TBC1D5: variants seen among roughly 807,000 people sequenced by gnomAD.
TBC1D5 encodes the protein TBC1 domain family member 5, also known as TBC1 domain family, member 5.
TBC1D5 carries 75 observed loss-of-function variants against 100.3 expected under a neutral mutation model. The observed-to-expected ratio is 0.75, with a 90% CI of 0.62 to 0.91. TBC1D5 has a LOEUF of 0.91. Among genes scored for constraint, TBC1D5 ranks in the 40% least tolerant of loss-of-function variants. The probability of loss-of-function intolerance (pLI) is 0.00; values close to 1 mark genes in which losing one functional copy is unlikely to be tolerated. For missense variants in TBC1D5, 910 were observed against 942.4 expected, an observed-to-expected ratio of 0.97 and a Z score of 0.45; for synonymous variants, 323 against 325.6, an observed-to-expected ratio of 0.99 and a Z score of 0.09.
intron 2 of TBC1D5, among the ~76,000 whole-genome samples, chr3:17,621,591 T>C (rs1388350614): frequency 1.3e-5 from 2 of 152,236 alleles, no homozygotes; most frequent in African/African-American, 2.4e-5. Context: ...TTCCCAATCT[T>C]ACCTTTTGAA....
exon 20 of TBC1D5, chr3:17,167,804 T>C: frequency 1.2e-6 from 2 of 1,610,762 alleles, no homozygotes; most frequent in Non-Finnish European, 1.7e-6. Flanking sequence ...CAAATTTTCT[T>C]GTAATATCAC....
At chr3:17,339,654 T>G (rs977908151) in intron 13 of TBC1D5, among the ~76,000 whole-genome samples, 2 of 152,210 alleles carry the variant, frequency 1.3e-5, no homozygotes, top group African/African-American at 4.8e-5. Flanking sequence ...AATACAGCAT[T>G]AGAAAGGATA....
At chr3:17,299,296 T>C (rs564973720) in intron 14 of TBC1D5, among the ~76,000 whole-genome samples, 73 of 152,300 alleles carry the variant, frequency 4.8e-4, no homozygotes, top group Non-Finnish European at 9.1e-4. Flanking sequence ...TTCATCATGC[T>C]ACTCAGAATG....
At chr3:17,180,322 A>G (rs553499927) in intron 19 of TBC1D5, among the ~76,000 whole-genome samples, 1 of 152,314 alleles carries the variant, frequency 6.6e-6, no homozygotes, top group South Asian at 2.1e-4. Flanking sequence ...TTAACCTGTC[A>G]ATTTTATTAT....
At chr3:17,226,308 A>G (rs1291092642) in intron 17 of TBC1D5, among the ~76,000 whole-genome samples, 2 of 120,274 alleles carry the variant, frequency 1.7e-5, no homozygotes, top group African/African-American at 6.2e-5. Flanking sequence ...TTCTCTACAT[A>G]CCTTTTTTTT....
At chr3:17,282,816 TTA>T (rs932281454) in intron 15 of TBC1D5, among the ~76,000 whole-genome samples, 1 of 152,224 alleles carries the variant, frequency 6.6e-6, no homozygotes, top group Non-Finnish European at 1.5e-5. Context: ...AAGAAAATAT[TTA>T]TGTTGAATAA....
intron 2 of TBC1D5, among the ~76,000 whole-genome samples, chr3:17,599,691 T>G (rs2060804506): frequency 6.6e-6 from 1 of 152,150 alleles, no homozygotes; most frequent in African/African-American, 2.4e-5. Flanking sequence ...CCCCTAGACC[T>G]GTCATGGGTC....
chr3:17,544,650 G>GAAAAAAAAAAAAAAAAAAA (rs11294217), intron 2 of TBC1D5, among the ~76,000 whole-genome samples: 1 of 86,278 alleles, frequency 1.2e-5, no homozygotes, highest in African/African-American at 4.3e-5. Flanking sequence ...GACTCCGTCT[G>GAAAAAAAAAAAAAAAAAAA]AAAAAAAAAA....
In TBC1D5 at chr3:17,503,746, T is replaced by C. The variant is rs74843977; in HGVS notation, c.97+4728A>G. ...AACATGTGTATTAAATGTAAGCATA[T>C]TACATATAGTCTATGCTCCCAAATT... On this transcript the variant is annotated intron_variant, in intron 3 of 21. Transcript: ENST00000253692. 8.9e-3 allele frequency among the ~76,000 whole-genome samples: 1,327 copies of C among 149,886 alleles called. 135 individuals are homozygous for C. The highest frequency in any genetic ancestry group is 0.028 in the African/African-American group (1,111 of 39,598).
chr3:17,453,093 A>G (rs530271186), intron 3 of TBC1D5, among the ~76,000 whole-genome samples: 105 of 151,538 alleles, frequency 6.9e-4, no homozygotes, highest in Non-Finnish European at 1.1e-3. Flanking sequence ...AAAAAAAAAA[A>G]AAAGAAAAGT....
intron 2 of TBC1D5, among the ~76,000 whole-genome samples, chr3:17,549,609 T>C (rs1188811836): frequency 6.6e-6 from 1 of 152,154 alleles, no homozygotes; most frequent in African/African-American, 2.4e-5. Context: ...AAGTTGTAAC[T>C]TCAGTCACCC....
In TBC1D5 at chr3:17,428,910, C is replaced by T. The variant is rs867948681; in HGVS notation, c.98-391G>A. Among the ~76,000 whole-genome samples the T allele has an allele frequency of 7.2e-5, 11 of 151,842 alleles. No individual in the cohort carries two copies. The East Asian group carries it at 1.5e-3, about 21-fold the overall frequency. On this transcript the variant is annotated intron_variant, in intron 3 of 21. Coordinates refer to ENST00000253692, the Ensembl canonical transcript of TBC1D5. ...TGTCAAAAGAGAACAGGCAGAGAGC[C>T]GACCTGGATGATTTTCCAGGTCCTA...
intron 8 of TBC1D5, among the ~76,000 whole-genome samples, chr3:17,390,421 G>C (rs563746661): frequency 3.9e-5 from 6 of 152,136 alleles, no homozygotes; most frequent in African/African-American, 1.4e-4. Flanking sequence ...AATGATAAAG[G>C]GTTTTGTCAC....
intron 1 of TBC1D5, among the ~76,000 whole-genome samples, chr3:17,658,044 T>C (rs2066259743): frequency 6.6e-6 from 1 of 152,246 alleles, no homozygotes; most frequent in African/African-American, 2.4e-5. Context: ...CTGCCTACAG[T>C]ATTCAGTAGA....
At chr3:17,219,402 G>A (rs2074023145) in intron 17 of TBC1D5, among the ~76,000 whole-genome samples, 1 of 151,068 alleles carries the variant, frequency 6.6e-6, no homozygotes, top group Admixed American at 6.6e-5. Flanking sequence ...TATCCAGTAA[G>A]TTTAATGTCC....
chr3:17,561,569 A>C (rs1324056142), intron 2 of TBC1D5, among the ~76,000 whole-genome samples: 1 of 152,172 alleles, frequency 6.6e-6, no homozygotes, highest in Non-Finnish European at 1.5e-5. Context: ...AAAAAACATA[A>C]AGTATTGTTA....
intron 2 of TBC1D5, among the ~76,000 whole-genome samples, chr3:17,527,883 C>T (rs373936768): frequency 1.3e-5 from 2 of 152,104 alleles, no homozygotes; most frequent in East Asian, 1.9e-4. Context: ...TATAATAATA[C>T]ACAATACTAA....
At chr3:17,684,807 T>C in intron 1 of TBC1D5, among the ~76,000 whole-genome samples, 1 of 152,008 alleles carries the variant, frequency 6.6e-6, no homozygotes, top group East Asian at 1.9e-4. Context: ...AGCCTGATGT[T>C]TTCCCAATAC....
At chr3:17,525,228 C>A (rs976240190) in intron 2 of TBC1D5, among the ~76,000 whole-genome samples, 5 of 152,122 alleles carry the variant, frequency 3.3e-5, no homozygotes, top group African/African-American at 1.2e-4. Flanking sequence ...CCCCAAGGTT[C>A]AAGCAATTCT....
Sources: gnomAD v4.1 joint callset for allele counts (sites outside exome capture counted in the v4.1 genomes callset) on GRCh38, gnomAD v4.1.1 for gene constraint, MANE v1.5 for transcripts, NCBI Gene and HGNC (gene_info 2026-07-23, HGNC 2026-07-21) for gene names.